Variants in ACSBG2 observed in about 807,000 individuals in gnomAD.
ACSBG2 encodes acyl-CoA synthetase bubblegum family member 2.
ACSBG2 carries 62 observed loss-of-function variants against 74.7 expected under a neutral mutation model. That is an observed-to-expected ratio of 0.83 (90% confidence interval 0.68 to 1.03). The LOEUF (loss-of-function observed/expected upper bound fraction) is 1.03, where lower values mean the gene tolerates loss of function less well. Among genes scored for constraint, ACSBG2 ranks in the 50% least tolerant of loss-of-function variants. The probability of loss-of-function intolerance (pLI) is 0.00; values close to 1 mark genes in which losing one functional copy is unlikely to be tolerated. For synonymous variants in ACSBG2, 309 were observed against 294.1 expected, an observed-to-expected ratio of 1.05 and a Z score of -0.52; for missense variants, 730 against 817.6, an observed-to-expected ratio of 0.89 and a Z score of 1.31.
At chr19:6,145,783 G>C (rs192686529) in intron 2 of ACSBG2, among the ~76,000 whole-genome samples, 2 of 152,196 alleles carry the variant, frequency 1.3e-5, no homozygotes, top group African/African-American at 4.8e-5. Flanking sequence ...GGCTGATCTG[G>C]GTGATGTCGC....
chr19:6,182,142 T>C (rs1452790622), intron 8 of ACSBG2, among the ~76,000 whole-genome samples: 2 of 152,164 alleles, frequency 1.3e-5, no homozygotes, highest in African/African-American at 2.4e-5. Flanking sequence ...TTTTCCAAAA[T>C]TGCTTGGGCT....
chr19:6,162,606 G>A (rs1287956291), intron 6 of ACSBG2, among the ~76,000 whole-genome samples: 2 of 150,976 alleles, frequency 1.3e-5, no homozygotes, highest in African/African-American at 4.9e-5. Flanking sequence ...CTTTTTAGAG[G>A]TTCAAAGTGA....
At chr19:6,144,143 G>A (rs544946404) in intron 2 of ACSBG2, among the ~76,000 whole-genome samples, 18 of 152,168 alleles carry the variant, frequency 1.2e-4, no homozygotes, top group East Asian at 1.9e-4. Context: ...GACAACAGGC[G>A]CGTGCCACCA....
chr19:6,150,974 C>T (rs1362049609), intron 3 of ACSBG2, among the ~76,000 whole-genome samples: 3 of 151,672 alleles, frequency 2.0e-5, no homozygotes, highest in Non-Finnish European at 4.4e-5. Flanking sequence ...ATTAGCCAGG[C>T]GTGGTGGCGC....
chr19:6,161,741 G>T (rs1053191905), intron 6 of ACSBG2, among the ~76,000 whole-genome samples: 1 of 152,036 alleles, frequency 6.6e-6, no homozygotes, highest in Non-Finnish European at 1.5e-5. Flanking sequence ...ATGCGTGGGG[G>T]CCTAGCAAAA....
intron 2 of ACSBG2, among the ~76,000 whole-genome samples, chr19:6,143,991 T>C (rs74462855): frequency 0.036 from 5,408 of 149,568 alleles, 201 homozygotes; most frequent in African/African-American, 0.1. Context: ...GTTTTTTTGT[T>C]AGTTAGTTTG....
At chr19:6,143,956 T>C (rs1599997880) in intron 2 of ACSBG2, among the ~76,000 whole-genome samples, 1 of 121,622 alleles carries the variant, frequency 8.2e-6, no homozygotes, top group African/African-American at 2.9e-5. Flanking sequence ...ATTTGGTTTT[T>C]TTGTTGTTGT....
chr19:6,155,380 T>A (rs1300084372), intron 4 of ACSBG2, among the ~76,000 whole-genome samples: 1 of 152,176 alleles, frequency 6.6e-6, no homozygotes, highest in Non-Finnish European at 1.5e-5. Flanking sequence ...TTTCACAACC[T>A]GGGGGTAGTC....
At chr19:6,146,198 G>A (rs74467981) in intron 2 of ACSBG2, among the ~76,000 whole-genome samples, 3,407 of 152,306 alleles carry the variant, frequency 0.022, 132 homozygotes, top group African/African-American at 0.078. Context: ...AGCCAGGCGC[G>A]GTGGCTCATG....
At chr19:6,189,195 T>A (rs1208857447) in intron 13 of ACSBG2, among the ~76,000 whole-genome samples, 1 of 152,184 alleles carries the variant, frequency 6.6e-6, no homozygotes, top group Non-Finnish European at 1.5e-5. Flanking sequence ...CTGACCATGC[T>A]GGCTAAAGTG....
At chr19:6,187,546 G>A in intron 12 of ACSBG2, 53 bp from the exon 13 acceptor site, 1 of 1,608,892 alleles carries the variant, frequency 6.2e-7, no homozygotes, top group Non-Finnish European at 8.5e-7. Context: ...TGTGGGCCTG[G>A]GGAGGGGTGC....
At chr19:6,181,821 C>CCCGCCG (rs1555696901) in intron 8 of ACSBG2, among the ~76,000 whole-genome samples, 1 of 122,750 alleles carries the variant, frequency 8.1e-6, no homozygotes, top group African/African-American at 3.2e-5. Flanking sequence ...CCGCCCCCCC[C>CCCGCCG]CCCAACGAAA....
chr19:6,165,148 G>T lies in ACSBG2; in HGVS notation c.589-718G>T, dbSNP rs2089754117. Among the ~76,000 whole-genome samples, 4 of 152,174 alleles carry T rather than the reference G, an allele frequency of 2.6e-5. No individual in the cohort carries two copies. The South Asian group carries it at 8.3e-4, about 32-fold the overall frequency. On this transcript the variant is annotated intron_variant, in intron 6 of 14. Transcript: ENST00000588485. ...AGGGCGTGGATTTCAGGCATGGCTG[G>T]AACCAGGGGCTCAAAGAATGTGCCC...
At chr19:6,191,920 T>C (rs1023667091) in intron 14 of ACSBG2, 2 of 152,054 alleles carry the variant, frequency 1.3e-5, no homozygotes, top group Admixed American at 1.3e-4. Flanking sequence ...TCCAGTTGAA[T>C]GAGAAACCAT....
intron 14 of ACSBG2, chr19:6,191,849 C>T (rs1223549071): frequency 6.6e-6 from 1 of 152,042 alleles, no homozygotes; most frequent in Non-Finnish European, 1.5e-5. Flanking sequence ...TGGGTGGGCC[C>T]AGCAGTTCAA....
rs375355306 is a variant in ACSBG2, at chr19:6,156,550, C to T, written c.506C>T (p.Ser169Leu). ...GATCAACAGTTACAGAAAATCCTTT[C>T]GGTAAACCCCTACCCAGCACTGCCT... Reference protein sequence around the residue: ...ENDQQLQKILSIPQSSLEPLK... With the variant: ...ENDQQLQKILLIPQSSLEPLK... The change falls in exon 5 of 15, where the codon TCG (serine) becomes TTG (leucine). Residue 169 changes from serine (S) to leucine (L), a missense_variant and splice_region_variant. Ser to Leu is a moderately radical substitution (Grantham distance 145, BLOSUM62 -2). Coordinates refer to ENST00000588485, the MANE Select transcript of ACSBG2 (RefSeq NM_030924.5). 234 of 1,570,090 alleles carry T rather than the reference C, an allele frequency of 1.5e-4. No individual in the cohort carries two copies. Among genetic ancestry groups the T allele is most frequent in the Middle Eastern group, 3.4e-4 (2 of 5,936 alleles).
At chr19:6,179,233 C>G (rs538966355) in intron 8 of ACSBG2, among the ~76,000 whole-genome samples, 1 of 150,326 alleles carries the variant, frequency 6.7e-6, no homozygotes, top group Non-Finnish European at 1.5e-5. Context: ...AGCTGGATAT[C>G]ATTCATTGGT....
intron 8 of ACSBG2, among the ~76,000 whole-genome samples, chr19:6,181,069 G>T (rs1004368213): frequency 1.4e-5 from 2 of 147,312 alleles, no homozygotes; most frequent in Non-Finnish European, 3.0e-5. Context: ...AAAAGAAAAA[G>T]AAAAATTAGC....
rs778798987 is a variant in ACSBG2 at position 6,177,211 on chromosome 19, T to C, written c.739-18T>C. ...TTCTATGAGGGTGAGGCACCTTGGATTGTCCCTTATGTTACAGATCACGTG... is the reference window on the plus strand; with the variant it reads ...TTCTATGAGGGTGAGGCACCTTGGACTGTCCCTTATGTTACAGATCACGTG... On this transcript the variant is annotated intron_variant, in intron 7 of 14. Transcript: ENST00000588485. The C allele has an allele frequency of 1.7e-5, 27 of 1,613,242 alleles. No individual in the cohort carries two copies. The highest frequency in any genetic ancestry group is 2.3e-5 in the Non-Finnish European group (27 of 1,179,726).
Sources: allele counts gnomAD v4.1 joint callset (sites outside exome capture counted in the v4.1 genomes callset), GRCh38; gene constraint gnomAD v4.1.1; transcripts MANE v1.5; gene names NCBI Gene and HGNC (gene_info 2026-07-23, HGNC 2026-07-21).